NELFCD: variants seen among roughly 807,000 people sequenced by gnomAD.
The protein encoded by NELFCD is negative elongation factor C/D.
A neutral mutation model predicts 72.9 loss-of-function variants in NELFCD; 48 were observed. The ratio of observed to expected loss-of-function variants is 0.66; its 90% CI spans 0.52 to 0.84. The LOEUF is 0.84. Ranked by LOEUF, NELFCD falls within the 40% of genes least tolerant of loss-of-function variation. The probability of loss-of-function intolerance (pLI) is 0.00; values close to 1 mark genes in which losing one functional copy is unlikely to be tolerated. For synonymous variants in NELFCD, 297 were observed against 280.6 expected, an observed-to-expected ratio of 1.06 and a Z score of -0.59; for missense variants, 538 against 723.8, an observed-to-expected ratio of 0.74 and a Z score of 2.94.
At chr20:58,988,523 T>G (rs2091789131) in intron 4 of NELFCD, among the ~76,000 whole-genome samples, 2 of 152,336 alleles carry the variant, frequency 1.3e-5, no homozygotes, top group South Asian at 4.1e-4. Context: ...AGAAATGTTT[T>G]TCTGGCTACT....
At chr20:58,989,304 C>T (rs1382105671) in intron 5 of NELFCD, 184 bp from the exon 6 acceptor site, 7 of 705,122 alleles carry the variant, frequency 9.9e-6, no homozygotes, top group Admixed American at 5.2e-5. Flanking sequence ...TATGAAGAAA[C>T]GATGGAGAGG....
At position 58,986,616 on chromosome 20, in the gene NELFCD, T is replaced by C. The variant is rs1296882294; in HGVS notation, c.177-138T>C. On this transcript the variant is annotated intron_variant, in intron 2 of 14. Coordinates refer to ENST00000652272, the MANE Select transcript of NELFCD (RefSeq NM_198976.4). This position sits in a 1 kb window ranked among gnomAD's most constrained non-coding sequence, Gnocchi z 4.4. ...CCTCTGCCTCCCAAAGTGCTGGGAT[T>C]ACAGGTGTGCACCACTGCACCCAGC... The C allele has an allele frequency of 1.4e-6, 1 of 739,650 alleles. No individual in the cohort carries two copies. The highest frequency in any genetic ancestry group is 2.5e-6 in the Non-Finnish European group (1 of 407,086). 45.8% of individuals were successfully genotyped at this position (739,650 alleles called of 1,614,324 possible).
At position 58,993,274 on chromosome 20, in the gene NELFCD, C is replaced by T; in HGVS notation, c.1344+162C>T. 3 of 816,714 alleles carry T rather than the reference C, an allele frequency of 3.7e-6. No individual in the cohort carries two copies. Among genetic ancestry groups the T allele is most frequent in the South Asian group, 1.7e-5 (1 of 57,146 alleles). 50.6% of individuals were successfully genotyped at this position (816,714 alleles called of 1,614,324 possible). A position where few individuals can be genotyped will look rare whatever the true frequency, so the allele number is the denominator to read the frequency against. On this transcript the variant is annotated intron_variant, in intron 11 of 14. Transcript: ENST00000652272. This position sits in a 1 kb window ranked among gnomAD's most constrained non-coding sequence, Gnocchi z 5.0. Reference sequence around the variant, plus strand: ...CCTCTTAAGGACCTAGCTTCATTGACTGCAGAAATTTCTTAACCTCAGTCA... The same window carrying T: ...CCTCTTAAGGACCTAGCTTCATTGATTGCAGAAATTTCTTAACCTCAGTCA...
chr20:58,982,107 A>G (rs2091738141), intron 1 of NELFCD, among the ~76,000 whole-genome samples: 1 of 146,262 alleles, frequency 6.8e-6, no homozygotes, highest in African/African-American at 2.5e-5. Flanking sequence ...AGACGGCCCA[A>G]CAGTTGGTCT....
chr20:58,989,715 CTTCCCTGGAGAGAA>C (rs2091800177), intron 6 of NELFCD, 75 bp downstream of exon 6: 1 of 1,606,770 alleles, frequency 6.2e-7, no homozygotes, highest in African/African-American at 1.3e-5. Flanking sequence ...TGAGATGCTC[CTTCCCTGGAGAGAA>C]TCTCCATTTC....
chr20:58,990,654 T>C, intron 7 of NELFCD: 1 of 388,828 alleles, frequency 2.6e-6, no homozygotes, highest in Non-Finnish European at 4.6e-6. Flanking sequence ...CAAAATGAGC[T>C]CATATTAGCT....
intron 10 of NELFCD, 88 bp from the exon 11 acceptor site, chr20:58,992,904 ATTTGAG>A (rs1601218429): frequency 3.4e-6 from 3 of 881,302 alleles, no homozygotes; most frequent in African/African-American, 3.3e-5. Flanking sequence ...TGATGGAGTC[ATTTGAG>A]TTTGTTTTTA....
intron 1 of NELFCD, among the ~76,000 whole-genome samples, chr20:58,981,831 A>G (rs1379095989): frequency 6.6e-6 from 1 of 152,234 alleles, no homozygotes; most frequent in Non-Finnish European, 1.5e-5. Flanking sequence ...GCATTCCTAC[A>G]TGTGCTTTAC....
At position 58,993,488 on chromosome 20, in the gene NELFCD, C is replaced by T; in HGVS notation, c.1384C>T (p.Gln462Ter). The T allele has an allele frequency of 1.2e-6, 2 of 1,614,172 alleles. No homozygotes were observed. The highest frequency in any genetic ancestry group is 1.7e-6 in the Non-Finnish European group (2 of 1,180,036). Residue 462 changes from glutamine to a stop codon, truncating the protein, a stop_gained, in exon 12 of 15, where the codon CAG becomes TAG. Transcript: ENST00000652272. LOFTEE classifies it high-confidence loss of function. This position sits in a 1 kb window ranked among gnomAD's most constrained non-coding sequence, Gnocchi z 5.0. ...CHQLLHPQVL[Q>*]LLVKLFETEH... ...CCAGCTCCTGCACCCCCAGGTCCTG[C>T]AGCTGCTTGTTAAGCTTTTTGAGAC...
In NELFCD at chr20:58,993,420, C is replaced by T; in HGVS notation, c.1345-29C>T. 6.2e-7 allele frequency: 1 copy of T among 1,606,074 alleles called. No individual in the cohort carries two copies. Among genetic ancestry groups the T allele is most frequent in the Non-Finnish European group, 8.5e-7 (1 of 1,174,616 alleles). ...GTGTGCTGAGCGTGACCACACTGCTCAGCGAAGCTCCCTCTGGCCTGTTTG... is the reference window on the plus strand; with the variant it reads ...GTGTGCTGAGCGTGACCACACTGCTTAGCGAAGCTCCCTCTGGCCTGTTTG... On this transcript the variant is annotated intron_variant, in intron 11 of 14. Transcript: ENST00000652272. The surrounding 1 kb of genome is among the most constrained non-coding windows in gnomAD (Gnocchi z 5.0).
chr20:58,984,808 G>T (rs1462633663), intron 1 of NELFCD, among the ~76,000 whole-genome samples: 1 of 152,206 alleles, frequency 6.6e-6, no homozygotes, highest in Non-Finnish European at 1.5e-5. Flanking sequence ...GACCCAAGAG[G>T]TGGTGGAAGA....
chr20:58,989,912 G>T lies in NELFCD; in HGVS notation c.712G>T (p.Val238Leu), dbSNP rs776438916. ...TYLFAQAMMS[V>L]LAQEEQGGSA... The stretch of plus-strand genomic sequence containing the variant: ...CCTGTTTGCCCAGGCCATGATGTCC[G>T]TGCTGGCCCAGGAGGAGCAGGGGGG... Residue 238 changes from valine to leucine, a missense_variant, in exon 7 of 15, where the codon GTG (valine) becomes TTG (leucine). Physicochemically the swap from Val to Leu is conservative, Grantham distance 32. Transcript: ENST00000652272. 1.1e-5 allele frequency: 18 copies of T among 1,614,206 alleles called. No homozygotes were observed. The East Asian group carries it at 1.8e-4, about 16-fold the overall frequency.
intron 3 of NELFCD, chr20:58,987,145 CA>C: frequency 2.5e-6 from 1 of 398,796 alleles, no homozygotes; most frequent in Non-Finnish European, 4.5e-6. Context: ...TAGGATTATA[CA>C]GTGTGTGTTC....
chr20:58,992,830 C>CA (rs2091826975), intron 10 of NELFCD, among the ~76,000 whole-genome samples, 168 bp from the exon 11 acceptor site: 2 of 127,406 alleles, frequency 1.6e-5, no homozygotes, highest in South Asian at 4.8e-4. Flanking sequence ...GCCTGGAAGA[C>CA]AGAGTGAGAC....
intron 1 of NELFCD, 80 bp downstream of exon 1, chr20:58,981,449 C>A: frequency 1.7e-6 from 1 of 579,090 alleles, no homozygotes; most frequent in Non-Finnish European, 2.2e-6. Context: ...CCCGGAGAGG[C>A]CGCGCGGCGC....
In NELFCD at chr20:58,990,961, C is replaced by A; in HGVS notation, c.840C>A (p.Tyr280Ter). Residue 280 changes from tyrosine (Y) to a stop codon, truncating the protein, a stop_gained, in exon 8 of 15, where the codon TAC becomes TAA. Coordinates refer to ENST00000652272, the MANE Select transcript of NELFCD (RefSeq NM_198976.4). LOFTEE classifies it high-confidence loss of function. ...TAGCCTTGGGCACAGCTGCCTCCTA[C>A]CCCAGGGCCTGCCAGGCTCTCGGGG... ...ITLALGTAASYPRACQALGAM... is the reference protein window; with the variant it reads ...ITLALGTAAS The A allele has an allele frequency of 6.2e-7, 1 of 1,614,202 alleles. No individual in the cohort carries two copies. The highest frequency in any genetic ancestry group is 8.5e-7 in the Non-Finnish European group (1 of 1,180,018).
Position 58,989,931 on chromosome 20 carries a change from A to T in NELFCD, c.731A>T (p.Gln244Leu). Residue 244 changes from glutamine (Q) to leucine (L), a missense_variant, in exon 7 of 15, where the codon CAG (glutamine) becomes CTG (leucine). Around this residue, in one of 3 missense-constraint regions of NELFCD, gnomAD observed 355 missense variants for 534.5 expected, o/e 0.66. Transcript: ENST00000652272. ...AMMSVLAQEE[Q>L]GGSAVRRIAQ... is the part of the protein sequence containing the mutation. ...ATGTCCGTGCTGGCCCAGGAGGAGC[A>T]GGGGGGCTCCGCTGTGCGCAGGATC... 1 of 1,614,160 alleles carries T rather than the reference A, an allele frequency of 6.2e-7. No individual in the cohort carries two copies. The highest frequency in any genetic ancestry group is 2.2e-5 in the East Asian group (1 of 44,886).
At chr20:58,990,680 AAT>A in intron 7 of NELFCD, 2 of 460,350 alleles carry the variant, frequency 4.3e-6, no homozygotes, top group Middle Eastern at 5.5e-4. Context: ...TTCTGCTACC[AAT>A]AGAGTGTTCC....
rs2091800574 is a variant in NELFCD, at chr20:58,989,751, T to G, written c.658-107T>G. 3 of 1,606,416 alleles carry G rather than the reference T, an allele frequency of 1.9e-6. No homozygotes were observed. In the African/African-American group the frequency reaches 4.0e-5, roughly 22 times the overall value. ...AGAATCTCCATTTCTGAGGGCACCT[T>G]CCAGGATGCTCACTCCCGGGCCCGA... On this transcript the variant is annotated intron_variant, in intron 6 of 14. Coordinates refer to ENST00000652272, the MANE Select transcript of NELFCD (RefSeq NM_198976.4).
Sources: gnomAD v4.1 joint callset for allele counts (sites outside exome capture counted in the v4.1 genomes callset) on GRCh38, gnomAD v4.1.1 for gene constraint, gnomAD v4.1.1 regional missense constraint, Gnocchi (gnomAD v3.1) non-coding constraint, MANE v1.5 for transcripts, NCBI Gene and HGNC (gene_info 2026-07-23, HGNC 2026-07-21) for gene names.